The following JAKMIP3 variants were observed in gnomAD, a reference collection of about 807,000 sequenced individuals.
The protein encoded by JAKMIP3 is Janus kinase and microtubule interacting protein 3.
In JAKMIP3, 58 loss-of-function variants were observed where a neutral mutation model predicts 118.5. The ratio of observed to expected loss-of-function variants is 0.49; its 90% CI spans 0.40 to 0.61. The LOEUF (loss-of-function observed/expected upper bound fraction) is 0.61. JAKMIP3 is among the 20% of genes least tolerant of loss of function. The pLI is 0.00. For synonymous variants in JAKMIP3, 486 were observed against 451.2 expected (o/e 1.08, Z -0.98); for missense variants, 950 against 1,109.0 (o/e 0.86, Z 2.04).
chr10:132,094,566 G>A (rs2043588616), intron 1 of JAKMIP3, among the ~76,000 whole-genome samples: 1 of 152,162 alleles, frequency 6.6e-6, no homozygotes, highest in Admixed American at 6.5e-5. Flanking sequence ...ACCAGGCTCT[G>A]GGCTGGTACT....
At chr10:132,159,643 G>GT (rs1354384417) in intron 19 of JAKMIP3, among the ~76,000 whole-genome samples, 10 of 83,924 alleles carry the variant, frequency 1.2e-4, no homozygotes, top group East Asian at 7.2e-4. Context: ...GTGATGCTGG[G>GT]GGGCCTCTCC....
intron 1 of JAKMIP3, among the ~76,000 whole-genome samples, chr10:132,089,440 A>G (rs2042844632): frequency 6.6e-6 from 1 of 152,102 alleles, no homozygotes; most frequent in African/African-American, 2.4e-5. Flanking sequence ...TGTAAGTTGG[A>G]TTCCTAGGTA....
intron 13 of JAKMIP3, among the ~76,000 whole-genome samples, chr10:132,146,417 C>T (rs1466266348): frequency 6.6e-6 from 1 of 152,130 alleles, no homozygotes; most frequent in African/African-American, 2.4e-5. Flanking sequence ...GGGTGCACCT[C>T]ACAACTGTGG....
At chr10:132,082,210 A>G in intron 1 of JAKMIP3, among the ~76,000 whole-genome samples, 1 of 148,888 alleles carries the variant, frequency 6.7e-6, no homozygotes, top group South Asian at 2.2e-4. Context: ...CCTTTTAATA[A>G]TTTTCAAATT....
rs141608465 is a variant in JAKMIP3 at position 132,127,611 on chromosome 10, T to C, written c.634-5701T>C. Among the ~76,000 whole-genome samples, 806 of 152,288 alleles carry C rather than the reference T, an allele frequency of 5.3e-3. 7 individuals carry two copies. Among genetic ancestry groups the C allele is most frequent in the Admixed American group, 0.031 (467 of 15,292 alleles). The stretch of plus-strand genomic sequence containing the variant: ...TATCCATTCACTGTCTCCTGTTTCA[T>C]TGCTGATGCTGAGAATTTGTGTTCT... On this transcript the variant is annotated intron_variant, in intron 3 of 23. Coordinates refer to ENST00000684848, the MANE Select transcript of JAKMIP3 (RefSeq NM_001323087.2).
intron 16 of JAKMIP3, among the ~76,000 whole-genome samples, chr10:132,151,958 C>T (rs748466953): frequency 6.6e-6 from 1 of 152,232 alleles, no homozygotes; most frequent in African/African-American, 2.4e-5. Context: ...TCACATGCAA[C>T]TTGTGGTTTA....
chr10:132,173,346 G>T (rs919638859), intron 23 of JAKMIP3, among the ~76,000 whole-genome samples: 1 of 150,354 alleles, frequency 6.7e-6, no homozygotes. Context: ...GACACTGGCG[G>T]TAGCAGATAC....
rs1433368923 is a variant in JAKMIP3, at chr10:132,137,131, T to TTAGATGAACCGGGTAC, written c.1229_1230insTAGATGAACCGGGTAC (p.Ile411ArgfsTer2). 1 of 1,613,776 alleles carries TTAGATGAACCGGGTAC rather than the reference T, an allele frequency of 6.2e-7. No homozygotes were observed. The highest frequency in any genetic ancestry group is 8.5e-7 in the Non-Finnish European group (1 of 1,179,882). ...CTTCAGATTGTGGAGCAGCAAAACC[T>TTAGATGAACCGGGTAC]CATAGATGAACTGTCTAAGGTACCC... On this transcript the variant is annotated stop_gained and frameshift_variant, in exon 7 of 24. Transcript: ENST00000684848. LOFTEE classifies it high-confidence loss of function.
chr10:132,145,233 G>A (rs2054366870), intron 12 of JAKMIP3, 43 bp downstream of exon 12: 2 of 1,453,356 alleles, frequency 1.4e-6, no homozygotes, highest in Non-Finnish European at 1.9e-6. Context: ...GCACACGTGG[G>A]TGGGAGGTAT....
intron 1 of JAKMIP3, among the ~76,000 whole-genome samples, chr10:132,041,021 C>T (rs941809656): frequency 4.6e-5 from 7 of 152,264 alleles, no homozygotes; most frequent in South Asian, 4.1e-4. Flanking sequence ...ACCTGTGTCT[C>T]GCGGCTGAGC....
intron 1 of JAKMIP3, among the ~76,000 whole-genome samples, chr10:132,091,490 CTCT>C (rs2043082677): frequency 1.3e-5 from 2 of 152,176 alleles, no homozygotes; most frequent in African/African-American, 2.4e-5. Context: ...GGATAGTTAG[CTCT>C]TCTTGTTGAA....
At chr10:132,048,285 C>G (rs1459466176) in intron 1 of JAKMIP3, among the ~76,000 whole-genome samples, 1 of 152,156 alleles carries the variant, frequency 6.6e-6, no homozygotes, top group Non-Finnish European at 1.5e-5. Flanking sequence ...TGAGACTGTG[C>G]AGGGCCTGCT....
At chr10:132,085,506 T>C in intron 1 of JAKMIP3, among the ~76,000 whole-genome samples, 1 of 151,346 alleles carries the variant, frequency 6.6e-6, no homozygotes, top group African/African-American at 2.4e-5. Context: ...TCTCTCTCTT[T>C]TTTTTTTTTT....
At chr10:132,157,017 C>T (rs1250020955) in intron 19 of JAKMIP3, among the ~76,000 whole-genome samples, 1 of 152,138 alleles carries the variant, frequency 6.6e-6, no homozygotes, top group Non-Finnish European at 1.5e-5. Flanking sequence ...GGTCTCTTGG[C>T]AGGATGGGGA....
chr10:132,140,188 G>A (rs1241777118), intron 9 of JAKMIP3, among the ~76,000 whole-genome samples: 7 of 152,216 alleles, frequency 4.6e-5, no homozygotes. Context: ...CCCACGAAGG[G>A]CCTCATTCCC....
chr10:132,136,149 G>T (rs2051721687), intron 6 of JAKMIP3, 73 bp downstream of exon 6: 2 of 1,493,708 alleles, frequency 1.3e-6, no homozygotes, highest in South Asian at 2.4e-5. Context: ...CCTTCTCCAC[G>T]CAAGATTTAG....
chr10:132,153,688 C>T, intron 17 of JAKMIP3, 71 bp from the exon 18 acceptor site: 1 of 1,470,650 alleles, frequency 6.8e-7, no homozygotes, highest in South Asian at 1.1e-5. Context: ...TGGCTTTTCT[C>T]CCAGCTGTCT....
At chr10:132,050,804 T>C (rs1164336099) in intron 1 of JAKMIP3, among the ~76,000 whole-genome samples, 1 of 152,264 alleles carries the variant, frequency 6.6e-6, no homozygotes, top group African/African-American at 2.4e-5. Context: ...ACATGCACCA[T>C]TTTGGATGAA....
intron 1 of JAKMIP3, among the ~76,000 whole-genome samples, chr10:132,094,503 G>C (rs909636732): frequency 3.9e-5 from 6 of 152,108 alleles, no homozygotes; most frequent in African/African-American, 1.4e-4. Flanking sequence ...TTCCAGAGAG[G>C]TGGGCTGTAG....
Sources: gnomAD v4.1 joint callset for allele counts (sites outside exome capture counted in the v4.1 genomes callset) on GRCh38, gnomAD v4.1.1 for gene constraint, MANE v1.5 for transcripts, NCBI Gene and HGNC (gene_info 2026-07-23, HGNC 2026-07-21) for gene names.